Variants in MAGI2 observed in about 807,000 individuals in gnomAD.
MAGI2 encodes the protein membrane-associated guanylate kinase, WW and PDZ domain-containing protein 2.
A neutral mutation model predicts 133.3 loss-of-function variants in MAGI2; 35 were observed. That is an observed-to-expected ratio of 0.26 (90% confidence interval 0.20 to 0.35). MAGI2 has a LOEUF of 0.35. Ranked by LOEUF, MAGI2 falls within the 10% of genes least tolerant of loss-of-function variation. MAGI2 has a pLI of 1.00. For synonymous variants in MAGI2, 729 were observed against 710.6 expected, an observed-to-expected ratio of 1.03 and a Z score of -0.41; for missense variants, 1,636 against 1,863.4, an observed-to-expected ratio of 0.88 and a Z score of 2.25.
intron 10 of MAGI2, among the ~76,000 whole-genome samples, chr7:78,245,324 G>T (rs1198817463): frequency 6.6e-6 from 1 of 152,164 alleles, no homozygotes; most frequent in Non-Finnish European, 1.5e-5. Flanking sequence ...ATGAGGAAAA[G>T]GACATGATTG....
At chr7:79,196,963 G>C (rs962937099) in intron 1 of MAGI2, among the ~76,000 whole-genome samples, 15 of 151,542 alleles carry the variant, frequency 9.9e-5, no homozygotes, top group Admixed American at 9.9e-4. Context: ...TATAGAGAGA[G>C]AGAGACTGGG....
chr7:78,122,382 A>T (rs567793212), intron 20 of MAGI2, among the ~76,000 whole-genome samples: 1 of 152,124 alleles, frequency 6.6e-6, no homozygotes, highest in African/African-American at 2.4e-5. Flanking sequence ...ATTTCAGGGA[A>T]TGTTGCTTTT....
rs1041175862 is a variant in MAGI2, at chr7:79,315,338, T to A, written c.301+137682A>T. On this transcript the variant is annotated intron_variant, in intron 1 of 21. Transcript: ENST00000354212. The stretch of plus-strand genomic sequence containing the variant: ...CATGCCCAGTTAATTTTTTTTTTTT[T>A]TTTTTTTTGTATTTTTAGTAGAGAC... Among the ~76,000 whole-genome samples the A allele has an allele frequency of 8.7e-5, 8 of 92,358 alleles. No homozygotes were observed. The South Asian group carries it at 1.1e-3, about 13-fold the overall frequency. The allele number at this position is 92,358 out of a possible 152,430, so 60.6% of individuals were successfully genotyped here.
At chr7:79,418,224 A>G (rs7787904) in intron 1 of MAGI2, among the ~76,000 whole-genome samples, 17,343 of 152,084 alleles carry the variant, frequency 0.11, 2,262 homozygotes, top group African/African-American at 0.32. Context: ...AAGCCTTAGC[A>G]ACTTTATGTA....
At chr7:79,394,508 C>A (rs934877702) in intron 1 of MAGI2, among the ~76,000 whole-genome samples, 3 of 152,138 alleles carry the variant, frequency 2.0e-5, no homozygotes, top group African/African-American at 4.8e-5. Flanking sequence ...ATGTGGCATA[C>A]CATGAATAAA....
intron 1 of MAGI2, among the ~76,000 whole-genome samples, chr7:79,296,924 TGGATG>T (rs570498644): frequency 6.6e-6 from 1 of 152,348 alleles, no homozygotes; most frequent in South Asian, 2.1e-4. Context: ...TTTAAAGTGA[TGGATG>T]TGCTAATTAC....
In MAGI2 at chr7:79,111,214, C is replaced by A. The variant is rs951500553; in HGVS notation, c.302-104008G>T. On this transcript the variant is annotated intron_variant, in intron 1 of 21. Transcript: ENST00000354212. ...AATATGGTCTTATTATTAACTCAGA[C>A]TTTTTGTTGTTGTAGTTTTGGTTCA... 3.3e-5 allele frequency among the ~76,000 whole-genome samples: 5 copies of A among 152,226 alleles called. No homozygotes were observed. In the East Asian group the frequency reaches 9.7e-4, roughly 29 times the overall value.
chr7:79,210,297 T>A (rs1249727447), intron 1 of MAGI2, among the ~76,000 whole-genome samples: 3 of 152,090 alleles, frequency 2.0e-5, no homozygotes, highest in Non-Finnish European at 4.4e-5. Context: ...TAATTATCCA[T>A]ATATGATAAA....
chr7:78,173,842 A>G (rs980173738), intron 14 of MAGI2, among the ~76,000 whole-genome samples: 3 of 152,204 alleles, frequency 2.0e-5, no homozygotes, highest in Non-Finnish European at 4.4e-5. Flanking sequence ...CTCAGTCTAA[A>G]AGGGGCCATT....
At chr7:78,750,613 A>G (rs766719910) in intron 2 of MAGI2, among the ~76,000 whole-genome samples, 1 of 152,296 alleles carries the variant, frequency 6.6e-6, no homozygotes, top group Admixed American at 6.5e-5. Flanking sequence ...GACAATACAC[A>G]TAACAAAAAA....
At chr7:78,784,841 C>A (rs1421611576) in intron 2 of MAGI2, among the ~76,000 whole-genome samples, 1 of 152,132 alleles carries the variant, frequency 6.6e-6, no homozygotes, top group Non-Finnish European at 1.5e-5. Context: ...TCTTGTTAAC[C>A]TGTCTTTTGT....
chr7:78,651,684 A>AATG (rs892734498), intron 2 of MAGI2, among the ~76,000 whole-genome samples: 2 of 152,134 alleles, frequency 1.3e-5, no homozygotes, highest in Admixed American at 6.5e-5. Flanking sequence ...ATTAGAATAA[A>AATG]ATGATGATCT....
At position 78,413,062 on chromosome 7, in the gene MAGI2, T is replaced by C. The variant is rs905550093; in HGVS notation, c.1046-43849A>G. Among the ~76,000 whole-genome samples, 64 of 152,104 alleles carry C rather than the reference T, an allele frequency of 4.2e-4. 1 individual carries two copies. The highest frequency in any genetic ancestry group is 3.1e-4 in the Non-Finnish European group (21 of 67,978). On this transcript the variant is annotated intron_variant, in intron 6 of 21. Transcript: ENST00000354212. ...ACAGGGTTTAAAGGAAAAGTCACTGTTATCTGAAGTCAGGTGCCAGGTAGC... is the reference window on the plus strand; with the variant it reads ...ACAGGGTTTAAAGGAAAAGTCACTGCTATCTGAAGTCAGGTGCCAGGTAGC...
At chr7:78,290,115 A>C (rs1796547240) in intron 9 of MAGI2, among the ~76,000 whole-genome samples, 1 of 152,234 alleles carries the variant, frequency 6.6e-6, no homozygotes, top group Admixed American at 6.5e-5. Flanking sequence ...TATTAACCTT[A>C]AATGTAAACG....
intron 1 of MAGI2, among the ~76,000 whole-genome samples, chr7:79,435,875 T>C (rs1467531724): frequency 6.6e-6 from 1 of 152,122 alleles, no homozygotes; most frequent in Non-Finnish European, 1.5e-5. Flanking sequence ...ACTATAATGC[T>C]ACAGTAATCC....
chr7:78,499,347 C>T (rs1324034762), intron 5 of MAGI2, among the ~76,000 whole-genome samples: 1 of 152,206 alleles, frequency 6.6e-6, no homozygotes, highest in East Asian at 1.9e-4. Flanking sequence ...TAAGCTTTGG[C>T]TTCCCTGAAT....
intron 6 of MAGI2, among the ~76,000 whole-genome samples, chr7:78,458,294 CAA>C (rs11380893): frequency 1.8e-5 from 2 of 113,086 alleles, no homozygotes. Flanking sequence ...AACTCGGTCT[CAA>C]AAAAAAAAAA....
chr7:78,219,096 G>A (rs1030706009), intron 10 of MAGI2, among the ~76,000 whole-genome samples: 4 of 152,156 alleles, frequency 2.6e-5, no homozygotes, highest in Non-Finnish European at 2.9e-5. Context: ...ACAGAGGATC[G>A]TGGAGAACGT....
At chr7:78,041,549 CTTG>C (rs1810848240) in intron 21 of MAGI2, among the ~76,000 whole-genome samples, 1 of 152,124 alleles carries the variant, frequency 6.6e-6, no homozygotes, top group Non-Finnish European at 1.5e-5. Context: ...GTAGTGCGTG[CTTG>C]TACTCCTAGC....
Sources: allele counts gnomAD v4.1 joint callset (sites outside exome capture counted in the v4.1 genomes callset), GRCh38; gene constraint gnomAD v4.1.1; transcripts MANE v1.5; gene names NCBI Gene and HGNC (gene_info 2026-07-23, HGNC 2026-07-21).